TCF20: variants seen among roughly 807,000 people sequenced by gnomAD.
The protein encoded by TCF20 is transcription factor 20.
A neutral mutation model predicts 148.6 loss-of-function variants in TCF20; 3 were observed. The ratio of observed to expected loss-of-function variants is 0.02; its 90% CI spans 0.01 to 0.05. The LOEUF (loss-of-function observed/expected upper bound fraction) is 0.05. Among genes scored for constraint, TCF20 ranks in the 10% least tolerant of loss-of-function variants. The pLI is 1.00. For missense variants in TCF20, 2,350 were observed against 2,429.3 expected, an observed-to-expected ratio of 0.97 and a Z score of 0.69; for synonymous variants, 1,049 against 909.5, an observed-to-expected ratio of 1.15 and a Z score of -2.76.
intron 3 of TCF20, among the ~76,000 whole-genome samples, chr22:42,173,296 T>C (rs1025787458): frequency 1.3e-5 from 2 of 149,204 alleles, no homozygotes; most frequent in African/African-American, 4.9e-5. Flanking sequence ...CCCCCCCACC[T>C]GGAGCCAAAT....
At chr22:42,313,732 T>C (rs530106849) in intron 1 of TCF20, among the ~76,000 whole-genome samples, 4 of 152,024 alleles carry the variant, frequency 2.6e-5, no homozygotes, top group Non-Finnish European at 5.9e-5. Context: ...CCCGAGTAGC[T>C]GGGATTACAC....
rs1180089839 is a variant in TCF20 at position 42,210,075 on chromosome 22, T to C, written c.5231A>G (p.Glu1744Gly). The C allele has an allele frequency of 6.2e-7, 1 of 1,613,872 alleles. No individual in the cohort carries two copies. Among genetic ancestry groups the C allele is most frequent in the Non-Finnish European group, 8.5e-7 (1 of 1,180,030 alleles). Residue 1744 changes from glutamate to glycine, a missense_variant, in exon 2 of 6, where the codon GAA becomes GGA. By Grantham distance (98) the Glu-to-Gly change is moderately conservative (BLOSUM62 -2). Coordinates refer to ENST00000677622, the MANE Select transcript of TCF20 (RefSeq NM_001378418.1). The surrounding 1 kb of genome is among the most constrained non-coding windows in gnomAD (Gnocchi z 4.7). ...CCGTACCTTAACTTTGCTCTGCATT[T>C]CTGTGGCCCTCTTAGGAGGTGGATT... The part of the protein sequence containing the change: ...PKNPPPKRAT[E>G]MQSKVKVRHK...
upstream of TCF20, chr22:42,274,066 C>T (rs1161636557): frequency 6.5e-6 from 1 of 152,694 alleles, no homozygotes; most frequent in Non-Finnish European, 1.5e-5. Context: ...CACCTTTATC[C>T]TTCACCAAGC....
rs1333955578 is a variant in TCF20, at chr22:42,215,552, C to G, written c.-36-211G>C. 7.1e-6 allele frequency: 4 copies of G among 563,440 alleles called. No homozygotes were observed. The African/African-American group carries it at 7.7e-5, about 11-fold the overall frequency. The allele number at this position is 563,440 out of a possible 1,614,324, so 34.9% of individuals were successfully genotyped here. A position where few individuals can be genotyped will look rare whatever the true frequency, so the allele number is the denominator to read the frequency against. ...ATTGCACGATCTCAGCTCAATGCAA[C>G]TTCTGCCTGCAGGGTTCAAGCAATT... On this transcript the variant is annotated intron_variant, in intron 1 of 5. Transcript: ENST00000677622.
At chr22:42,271,011 G>T (rs938851787), upstream of TCF20, among the ~76,000 whole-genome samples, 7 of 152,142 alleles carry the variant, frequency 4.6e-5, no homozygotes, top group Non-Finnish European at 8.8e-5. Context: ...GATTTCTGGA[G>T]TTCCCTGGAG....
At chr22:42,184,342 T>C (rs1936940753) in intron 2 of TCF20, among the ~76,000 whole-genome samples, 1 of 152,154 alleles carries the variant, frequency 6.6e-6, no homozygotes, top group Non-Finnish European at 1.5e-5. Context: ...TTAGCCCCCT[T>C]CATTCACTCA....
chr22:42,198,664 AGTT>A (rs1937754577), intron 2 of TCF20, among the ~76,000 whole-genome samples: 1 of 135,196 alleles, frequency 7.4e-6, no homozygotes. Context: ...AATTTTTCCA[AGTT>A]TTTTTTTTTT....
At chr22:42,340,926 G>A (rs889537878) in intron 1 of TCF20, among the ~76,000 whole-genome samples, 2 of 133,834 alleles carry the variant, frequency 1.5e-5, no homozygotes, top group African/African-American at 5.6e-5. Context: ...GCTCCTTTCT[G>A]GTCAGGGAGA....
In TCF20 at chr22:42,160,698, G is replaced by A. The variant is rs1335706509; in HGVS notation, c.*705C>T. The A allele has an allele frequency of 2.0e-5, 3 of 151,570 alleles. No individual in the cohort carries two copies. Among genetic ancestry groups the A allele is most frequent in the Non-Finnish European group, 4.4e-5 (3 of 67,864 alleles). 9.4% of individuals were successfully genotyped at this position (151,570 alleles called of 1,614,324 possible). On this transcript the variant is annotated 3_prime_UTR_variant, in exon 6 of 6. Transcript: ENST00000677622. ...TGGAAATGAAAAAAAATTTATTTTT[G>A]TGTTTAAACATCATTCCCCTACTCT...
chr22:42,209,579 A>T, intron 2 of TCF20, 72 bp downstream of exon 2: 1 of 1,499,212 alleles, frequency 6.7e-7, no homozygotes, highest in Non-Finnish European at 9.0e-7. Context: ...GACATGTAAG[A>T]ACAAAAACAT....
chr22:42,270,492 GC>G lies in TCF20; in HGVS notation c.-191del, dbSNP rs1926552118. ...CGGGCCGGCGGCGGGGCGGGCCGGG[GC>G]CGCGGCCCCTCGAGGCTCGCTCCGG... On this transcript the variant is annotated 5_prime_UTR_variant, in exon 1 of 6. Transcript: ENST00000677622. 6.9e-6 allele frequency among the ~76,000 whole-genome samples: 1 copy of G among 144,588 alleles called. No homozygotes were observed. The allele number at this position is 144,588 out of a possible 152,430, so 94.9% of individuals were successfully genotyped here. A position where few individuals can be genotyped will look rare whatever the true frequency, so the allele number is the denominator to read the frequency against.
intron 1 of TCF20, among the ~76,000 whole-genome samples, chr22:42,333,990 G>C (rs1377335820): frequency 1.3e-5 from 2 of 152,188 alleles, no homozygotes; most frequent in African/African-American, 4.8e-5. Flanking sequence ...GGCTCACAAG[G>C]TTCCAGATGA....
At chr22:42,199,713 A>T (rs1172001411) in intron 2 of TCF20, among the ~76,000 whole-genome samples, 1 of 146,114 alleles carries the variant, frequency 6.8e-6, no homozygotes, top group African/African-American at 2.5e-5. Context: ...CTACAAAAAA[A>T]AAAAAAAAAA....
chr22:42,184,457 A>C (rs886992729), intron 2 of TCF20, among the ~76,000 whole-genome samples: 6 of 152,180 alleles, frequency 3.9e-5, no homozygotes, highest in African/African-American at 1.4e-4. Flanking sequence ...CCTTCTACCC[A>C]AAAATCAATA....
chr22:42,339,103 C>T (rs560069402), intron 1 of TCF20, among the ~76,000 whole-genome samples: 113 of 152,302 alleles, frequency 7.4e-4, no homozygotes, highest in Non-Finnish European at 1.3e-3. Flanking sequence ...TTAACAGGTG[C>T]TCCCCAAAGA....
chr22:42,198,818 C>T (rs960313649), intron 2 of TCF20, among the ~76,000 whole-genome samples: 9 of 152,180 alleles, frequency 5.9e-5, no homozygotes, highest in East Asian at 3.9e-4. Flanking sequence ...CCCGCCACCA[C>T]GTCCAGCTAA....
At chr22:42,308,173 G>A (rs372058245) in intron 1 of TCF20, among the ~76,000 whole-genome samples, 2 of 152,162 alleles carry the variant, frequency 1.3e-5, no homozygotes, top group East Asian at 1.9e-4. Context: ...AGCTGGGGTG[G>A]GGAGAGGGGG....
At chr22:42,282,406 T>G (rs1926920661) in intron 1 of TCF20, among the ~76,000 whole-genome samples, 1 of 152,214 alleles carries the variant, frequency 6.6e-6, no homozygotes, top group South Asian at 2.1e-4. Context: ...CAAGCTCCCT[T>G]GCCCTCATGG....
chr22:42,227,490 A>G (rs1485180086), intron 1 of TCF20, among the ~76,000 whole-genome samples: 1 of 152,154 alleles, frequency 6.6e-6, no homozygotes, highest in Non-Finnish European at 1.5e-5. Flanking sequence ...AAACAAGGAC[A>G]TTCTCCTCCA....
Sources: allele counts gnomAD v4.1 joint callset (sites outside exome capture counted in the v4.1 genomes callset), GRCh38; gene constraint gnomAD v4.1.1; non-coding constraint Gnocchi (gnomAD v3.1); transcripts MANE v1.5; gene names NCBI Gene and HGNC (gene_info 2026-07-23, HGNC 2026-07-21).